The following WWOX variants were observed in gnomAD, a reference collection of about 807,000 sequenced individuals.
The protein encoded by WWOX is WW domain-containing oxidoreductase.
WWOX carries 69 observed loss-of-function variants against 46.2 expected under a neutral mutation model. That is an observed-to-expected ratio of 1.49 (90% confidence interval 1.23 to 1.82). WWOX has a LOEUF of 1.82. WWOX is among the 40% of genes most tolerant of loss of function. The probability of loss-of-function intolerance (pLI) is 0.00; values close to 1 mark genes in which losing one functional copy is unlikely to be tolerated. For synonymous variants in WWOX, 359 were observed against 202.6 expected (o/e 1.77, Z -6.56); for missense variants, 919 against 542.6 (o/e 1.69, Z -6.89).
intron 8 of WWOX, among the ~76,000 whole-genome samples, chr16:78,927,975 T>TG (rs1345685223): frequency 2.5e-4 from 38 of 151,292 alleles, no homozygotes; most frequent in African/African-American, 8.1e-4. Context: ...TCTCAGGGTT[T>TG]TTGTGTGTGT....
chr16:78,208,857 C>G (rs1317244710), intron 5 of WWOX, among the ~76,000 whole-genome samples: 2 of 152,158 alleles, frequency 1.3e-5, no homozygotes, highest in African/African-American at 2.4e-5. Context: ...ACTATAAATT[C>G]TAAGTGCTCC....
intron 8 of WWOX, among the ~76,000 whole-genome samples, chr16:78,620,719 G>A (rs1473584841): frequency 6.6e-6 from 1 of 152,030 alleles, no homozygotes; most frequent in African/African-American, 2.4e-5. Context: ...GCACAGCGAT[G>A]GGTTAGCAAA....
At chr16:78,779,628 A>C (rs921942217) in intron 8 of WWOX, among the ~76,000 whole-genome samples, 1 of 152,232 alleles carries the variant, frequency 6.6e-6, no homozygotes, top group Non-Finnish European at 1.5e-5. Flanking sequence ...AGGAAATTGA[A>C]GCTCAGGGAA....
At chr16:78,416,118 A>T (rs1356241115) in intron 6 of WWOX, among the ~76,000 whole-genome samples, 5 of 152,220 alleles carry the variant, frequency 3.3e-5, no homozygotes, top group African/African-American at 9.6e-5. Flanking sequence ...GAAGAAAAAA[A>T]ATCAGCCCCT....
intron 8 of WWOX, among the ~76,000 whole-genome samples, chr16:78,827,200 A>G (rs965887038): frequency 6.6e-6 from 1 of 152,194 alleles, no homozygotes; most frequent in Non-Finnish European, 1.5e-5. Context: ...GGGTAAATGC[A>G]TGAAAACCTG....
chr16:78,239,773 G>C (rs556317434), intron 5 of WWOX, among the ~76,000 whole-genome samples: 4 of 152,152 alleles, frequency 2.6e-5, no homozygotes, highest in Admixed American at 1.3e-4. Flanking sequence ...GACCTCAGGT[G>C]ATCCGCCAGT....
rs1443236176 is a variant in WWOX, at chr16:78,347,208, C to G, written c.517-39652C>G. The stretch of plus-strand genomic sequence containing the variant: ...TCTAATTATCTCCTTCCCCCGCCCC[C>G]TCCATTCTCTTTCCATCCTTTAAAT... On this transcript the variant is annotated intron_variant, in intron 5 of 8. Transcript: ENST00000566780. Among the ~76,000 whole-genome samples the G allele has an allele frequency of 2.6e-5, 3 of 117,104 alleles. 1 individual carries two copies. Among genetic ancestry groups the G allele is most frequent in the African/African-American group, 8.7e-5 (3 of 34,342 alleles). The allele number at this position is 117,104 out of a possible 152,430, so 76.8% of individuals were successfully genotyped here. A position where few individuals can be genotyped will look rare whatever the true frequency, so the allele number is the denominator to read the frequency against.
chr16:78,656,048 G>T (rs528111873), intron 8 of WWOX, among the ~76,000 whole-genome samples: 1 of 152,310 alleles, frequency 6.6e-6, no homozygotes, highest in South Asian at 2.1e-4. Flanking sequence ...TTTTGAAATG[G>T]GGGTGTGGGT....
intron 8 of WWOX, among the ~76,000 whole-genome samples, chr16:79,029,780 A>G (rs538529050): frequency 3.3e-5 from 5 of 152,240 alleles, no homozygotes; most frequent in African/African-American, 9.6e-5. Context: ...TGTACCCTGG[A>G]TTTATTGGTC....
At position 78,432,602 on chromosome 16, in the gene WWOX, C is replaced by G. The variant is rs377404672; in HGVS notation, c.906C>G (p.Leu302=). 6.2e-7 allele frequency: 1 copy of G among 1,614,226 alleles called. No individual in the cohort carries two copies. The highest frequency in any genetic ancestry group is 1.1e-5 in the South Asian group (1 of 91,084). ...AYNRSKLCNI[L]FSNELHRRLS... ...ACAGGTCCAAGCTCTGCAACATCCT[C>G]TTCTCCAACGAGCTGCACCGTCGCC... Residue 302 remains leucine (L), a synonymous_variant, in exon 8 of 9, where the codon CTC becomes CTG. Transcript: ENST00000566780.
At chr16:78,768,418 G>A (rs2142510643) in intron 8 of WWOX, among the ~76,000 whole-genome samples, 1 of 151,406 alleles carries the variant, frequency 6.6e-6, no homozygotes, top group Non-Finnish European at 1.5e-5. Flanking sequence ...GTTGAAACCC[G>A]CTCTCTACTA....
At chr16:78,838,888 T>C (rs2052063107) in intron 8 of WWOX, among the ~76,000 whole-genome samples, 1 of 152,048 alleles carries the variant, frequency 6.6e-6, no homozygotes, top group Non-Finnish European at 1.5e-5. Context: ...AGATAAGTGA[T>C]TGCCAGGGAC....
At chr16:78,906,964 C>G (rs1329127681) in intron 8 of WWOX, among the ~76,000 whole-genome samples, 1 of 152,138 alleles carries the variant, frequency 6.6e-6, no homozygotes, top group South Asian at 2.1e-4. Context: ...ATAACGTAAC[C>G]GCCCAATGGG....
At chr16:79,192,122 G>A (rs1395956765) in intron 8 of WWOX, among the ~76,000 whole-genome samples, 1 of 152,206 alleles carries the variant, frequency 6.6e-6, no homozygotes, top group Non-Finnish European at 1.5e-5. Flanking sequence ...AACACCTCGT[G>A]TAATATTAGG....
At chr16:79,187,887 T>C (rs1333647392) in intron 8 of WWOX, among the ~76,000 whole-genome samples, 1 of 152,222 alleles carries the variant, frequency 6.6e-6, no homozygotes, top group Non-Finnish European at 1.5e-5. Context: ...GAATTATGAA[T>C]GAATTCTTCT....
At chr16:78,511,789 C>T (rs532269611) in intron 8 of WWOX, among the ~76,000 whole-genome samples, 9 of 152,076 alleles carry the variant, frequency 5.9e-5, no homozygotes, top group Admixed American at 2.6e-4. Context: ...CAGCTGGACT[C>T]GATACTTCTG....
chr16:79,055,274 T>G (rs1162547854), intron 8 of WWOX, among the ~76,000 whole-genome samples: 1 of 152,184 alleles, frequency 6.6e-6, no homozygotes, highest in Non-Finnish European at 1.5e-5. Flanking sequence ...CATTACATTT[T>G]GCTGAGTTCA....
At position 78,938,783 on chromosome 16, in the gene WWOX, C is replaced by T. The variant is rs151028318; in HGVS notation, c.1057-272825C>T. Among the ~76,000 whole-genome samples, 592 of 152,038 alleles carry T rather than the reference C, an allele frequency of 3.9e-3. 1 individual carries two copies. The highest frequency in any genetic ancestry group is 8.3e-3 in the Admixed American group (127 of 15,268). ...GAGAAGTGAGGTATGGCCCATTATA[C>T]CAGATAAAGTGATAGAGAGGGGCTG... On this transcript the variant is annotated intron_variant, in intron 8 of 8. Coordinates refer to ENST00000566780, the MANE Select transcript of WWOX (RefSeq NM_016373.4).
intron 4 of WWOX, among the ~76,000 whole-genome samples, chr16:78,152,845 G>C (rs76775072): frequency 0.021 from 3,145 of 152,220 alleles, 123 homozygotes; most frequent in African/African-American, 0.073. Context: ...GATGCCGCCT[G>C]GTGTATTTTA....
Sources: allele counts gnomAD v4.1 joint callset (sites outside exome capture counted in the v4.1 genomes callset), GRCh38; gene constraint gnomAD v4.1.1; transcripts MANE v1.5; gene names NCBI Gene and HGNC (gene_info 2026-07-23, HGNC 2026-07-21).